The following CRPPA variants were observed in gnomAD, a reference collection of about 807,000 sequenced individuals.
CRPPA encodes the protein CDP-L-ribitol pyrophosphorylase A, also known as D-ribitol-5-phosphate cytidylyltransferase.
CRPPA carries 43 observed loss-of-function variants against 52.0 expected under a neutral mutation model. The observed-to-expected ratio is 0.83, with a 90% confidence interval of 0.65 to 1.07. The LOEUF is 1.07. Ranked by LOEUF, CRPPA falls within the 50% of genes least tolerant of loss-of-function variation. CRPPA has a pLI of 0.00. For missense variants in CRPPA, 629 were observed against 551.7 expected, an observed-to-expected ratio of 1.14 and a Z score of -1.40; for synonymous variants, 250 against 203.5, an observed-to-expected ratio of 1.23 and a Z score of -1.94.
intron 9 of CRPPA, among the ~76,000 whole-genome samples, chr7:16,137,714 TA>T: frequency 6.6e-6 from 1 of 152,334 alleles, no homozygotes; most frequent in Admixed American, 6.5e-5. Context: ...TTTTAGTTTT[TA>T]TTAGAATATC....
chr7:16,398,234 G>A (rs6976705), intron 2 of CRPPA, among the ~76,000 whole-genome samples: 2 of 43,516 alleles, frequency 4.6e-5, no homozygotes, highest in African/African-American at 3.7e-4. Context: ...TAACGTGACT[G>A]ACACGTGACC....
chr7:16,125,257 C>CA (rs11323226), intron 9 of CRPPA, among the ~76,000 whole-genome samples: 1,707 of 67,040 alleles, frequency 0.025, 31 homozygotes, highest in African/African-American at 0.046. Flanking sequence ...GAGACTGTCT[C>CA]AAAAAAAAAA....
intron 1 of CRPPA, among the ~76,000 whole-genome samples, chr7:16,407,032 G>A (rs115041842): frequency 0.011 from 1,718 of 152,276 alleles, 39 homozygotes; most frequent in African/African-American, 0.04. Flanking sequence ...CTGGAATACA[G>A]TGGCACCATC....
At chr7:16,117,556 A>C (rs544483244) in intron 9 of CRPPA, among the ~76,000 whole-genome samples, 4 of 152,140 alleles carry the variant, frequency 2.6e-5, no homozygotes, top group Non-Finnish European at 4.4e-5. Flanking sequence ...TCTGCTGCAA[A>C]ACTGCACACA....
chr7:16,089,509 A>ATATACGG lies in CRPPA; in HGVS notation c.*2185_*2186insCCGTATA. 3.6e-6 allele frequency: 1 copy of ATATACGG among 280,232 alleles called. No homozygotes were observed. The highest frequency in any genetic ancestry group is 3.5e-5 in the Admixed American group (1 of 28,254). 17.4% of individuals were successfully genotyped at this position (280,232 alleles called of 1,614,324 possible). Reference sequence around the variant, plus strand: ...CGGGTATATATGTACGTACATACATAGATATGGGTATATATGTACGTACAT... The same window carrying ATATACGG: ...CGGGTATATATGTACGTACATACATATATACGGGATATGGGTATATATGTACGTACAT... On this transcript the variant is annotated 3_prime_UTR_variant, in exon 10 of 10. Coordinates refer to ENST00000407010, the MANE Select transcript of CRPPA (RefSeq NM_001101426.4).
chr7:16,091,445 G>T lies in CRPPA; in HGVS notation c.*250C>A, dbSNP rs934696502. 5.9e-6 allele frequency: 2 copies of T among 340,434 alleles called. No homozygotes were observed. Among genetic ancestry groups the T allele is most frequent in the Admixed American group, 5.3e-5 (1 of 18,756 alleles). The allele number at this position is 340,434 out of a possible 1,614,324, so 21.1% of individuals were successfully genotyped here. On this transcript the variant is annotated 3_prime_UTR_variant, in exon 10 of 10. Transcript: ENST00000407010. ...TCTCTGTGGAAAGATTCATTTGAAG[G>T]CTATTATTTTCCACTTATCTACTAT...
rs375132134 is a variant in CRPPA at position 16,308,514 on chromosome 7, C to A, written c.789+9G>T. ...GAAAAGAACCCAAGCAAGGTATCAT[C>A]CCTCTTACCTTCCAGAGGTCAGGTG... On this transcript the variant is annotated intron_variant, in intron 4 of 9. Coordinates refer to ENST00000407010, the MANE Select transcript of CRPPA (RefSeq NM_001101426.4). The A allele has an allele frequency of 6.7e-7, 1 of 1,482,088 alleles. No individual in the cohort carries two copies. Among genetic ancestry groups the A allele is most frequent in the South Asian group, 1.2e-5 (1 of 86,032 alleles). 91.8% of individuals were successfully genotyped at this position (1,482,088 alleles called of 1,614,324 possible). A position where few individuals can be genotyped will look rare whatever the true frequency, so the allele number is the denominator to read the frequency against.
intron 3 of CRPPA, among the ~76,000 whole-genome samples, chr7:16,310,108 G>A (rs773704472): frequency 2.0e-5 from 3 of 152,084 alleles, no homozygotes; most frequent in Non-Finnish European, 2.9e-5. Context: ...GTTAATGAAC[G>A]AGAGAGGGTA....
intron 9 of CRPPA, among the ~76,000 whole-genome samples, chr7:16,151,638 G>A (rs1262906134): frequency 2.0e-5 from 3 of 151,888 alleles, no homozygotes; most frequent in South Asian, 2.1e-4. Context: ...TAGACATTTT[G>A]AAGTGTATTT....
intron 3 of CRPPA, among the ~76,000 whole-genome samples, chr7:16,318,023 T>C (rs1264957438): frequency 1.3e-5 from 2 of 152,190 alleles, no homozygotes; most frequent in Non-Finnish European, 2.9e-5. Flanking sequence ...ACTTCTCTCA[T>C]GGCTCCTCTG....
rs768023973 is a variant in CRPPA, at chr7:16,088,936, C to G, written c.*2759G>C. 7 of 202,750 alleles carry G rather than the reference C, an allele frequency of 3.5e-5. No homozygotes were observed. Among genetic ancestry groups the G allele is most frequent in the Non-Finnish European group, 4.2e-5 (4 of 94,580 alleles). 12.6% of individuals were successfully genotyped at this position (202,750 alleles called of 1,614,324 possible). ...TATATATCACGTCTTATATATCAGA[C>G]GTGGCTTATATATCAGATGTCTTTG... On this transcript the variant is annotated 3_prime_UTR_variant, in exon 10 of 10. Coordinates refer to ENST00000407010, the MANE Select transcript of CRPPA (RefSeq NM_001101426.4).
intron 4 of CRPPA, among the ~76,000 whole-genome samples, chr7:16,308,306 C>T (rs933598577): frequency 6.6e-5 from 10 of 152,136 alleles, no homozygotes; most frequent in Non-Finnish European, 8.8e-5. Flanking sequence ...AGTGAATAAA[C>T]CAATCTCACA....
intron 9 of CRPPA, among the ~76,000 whole-genome samples, chr7:16,098,639 A>T (rs887240618): frequency 1.3e-5 from 2 of 152,218 alleles, no homozygotes; most frequent in African/African-American, 2.4e-5. Flanking sequence ...TACAAAAACC[A>T]CAAGTGTTAG....
At chr7:16,215,522 T>G (rs1445126265) in intron 9 of CRPPA, among the ~76,000 whole-genome samples, 2 of 152,230 alleles carry the variant, frequency 1.3e-5, no homozygotes, top group Non-Finnish European at 2.9e-5. Context: ...TTTCTTTAGT[T>G]AAGTACCATG....
At chr7:16,360,775 T>A (rs1053981720) in intron 3 of CRPPA, among the ~76,000 whole-genome samples, 2 of 152,100 alleles carry the variant, frequency 1.3e-5, no homozygotes, top group Non-Finnish European at 2.9e-5. Flanking sequence ...ATTATAGAAA[T>A]CTTAGAAGAC....
At chr7:16,405,395 T>C (rs1009813431) in intron 2 of CRPPA, among the ~76,000 whole-genome samples, 48 of 152,142 alleles carry the variant, frequency 3.2e-4, no homozygotes, top group African/African-American at 1.1e-3. Flanking sequence ...GATTTGGACC[T>C]AGGTCTGTCC....
rs747343561 is a variant in CRPPA at position 16,258,442 on chromosome 7, C to T, written c.1067G>A (p.Ser356Asn). Reference protein sequence around the residue: ...SDFQETQKLLSMLEESSLCIL... With the variant: ...SDFQETQKLLNMLEESSLCIL... ...GCAAAGACTACTCTCTTCAAGCATGCTCAGTAACTTCTGGGTTTCTTGAAA... is the reference window on the plus strand; with the variant it reads ...GCAAAGACTACTCTCTTCAAGCATGTTCAGTAACTTCTGGGTTTCTTGAAA... Residue 356 changes from serine to asparagine, a missense_variant, in exon 8 of 10, where the codon AGC becomes AAC. Physicochemically the swap from Ser to Asn is conservative, Grantham distance 46 (BLOSUM62 1). Coordinates refer to ENST00000407010, the MANE Select transcript of CRPPA (RefSeq NM_001101426.4). 12 of 1,607,022 alleles carry T rather than the reference C, an allele frequency of 7.5e-6. No individual in the cohort carries two copies. Among genetic ancestry groups the T allele is most frequent in the African/African-American group, 1.3e-5 (1 of 74,754 alleles).
At chr7:16,176,025 C>G (rs1003952748) in intron 9 of CRPPA, among the ~76,000 whole-genome samples, 3 of 152,030 alleles carry the variant, frequency 2.0e-5, no homozygotes, top group Non-Finnish European at 4.4e-5. Flanking sequence ...TAGTAGGCCC[C>G]TAAATTGCCA....
intron 1 of CRPPA, among the ~76,000 whole-genome samples, chr7:16,418,196 C>A (rs993892217): frequency 6.6e-6 from 1 of 152,108 alleles, no homozygotes; most frequent in African/African-American, 2.4e-5. Context: ...AGCAAGCTTT[C>A]TAAGGACTTC....
Sources: gnomAD v4.1 joint callset for allele counts (sites outside exome capture counted in the v4.1 genomes callset) on GRCh38, gnomAD v4.1.1 for gene constraint, MANE v1.5 for transcripts, NCBI Gene and HGNC (gene_info 2026-07-23, HGNC 2026-07-21) for gene names.